The following POLR3B variants were observed in gnomAD, a reference collection of about 807,000 sequenced individuals.
POLR3B encodes the protein DNA-directed RNA polymerase III subunit RPC2.
Under a neutral mutation model 147.4 loss-of-function variants are expected in POLR3B, and 96 were observed. The observed-to-expected ratio is 0.65, with a 90% CI of 0.55 to 0.77. POLR3B has a LOEUF of 0.77. Ranked by LOEUF, POLR3B falls within the 30% of genes least tolerant of loss-of-function variation. POLR3B has a pLI of 0.00. For synonymous variants in POLR3B, 461 were observed against 485.9 expected, an observed-to-expected ratio of 0.95 and a Z score of 0.67; for missense variants, 1,036 against 1,413.5, an observed-to-expected ratio of 0.73 and a Z score of 4.28.
intron 10 of POLR3B, among the ~76,000 whole-genome samples, chr12:106,403,995 T>C (rs2037112059): frequency 6.6e-6 from 1 of 151,850 alleles, no homozygotes; most frequent in South Asian, 2.1e-4. Flanking sequence ...AATTGTTGAA[T>C]CAGAGAGCAG....
intron 6 of POLR3B, among the ~76,000 whole-genome samples, chr12:106,370,763 C>G (rs1477164567): frequency 6.6e-6 from 1 of 151,612 alleles, no homozygotes; most frequent in Non-Finnish European, 1.5e-5. Context: ...TCCTGAGTAG[C>G]TGGGATTATA....
chr12:106,444,533 CACCATA>C lies in POLR3B; in HGVS notation c.2031_2036del (p.His677_Asn678del). The C allele has an allele frequency of 6.2e-7, 1 of 1,613,834 alleles. No homozygotes were observed. On this transcript the variant is annotated inframe_deletion, in exon 19 of 28. Transcript: ENST00000228347. Reference sequence around the variant, plus strand: ...GTGTGCTGGACTTATCCCATACCCTCACCATAACCAGTCACCGAGAAACACTTATCA... The same window carrying C: ...GTGTGCTGGACTTATCCCATACCCTCACCAGTCACCGAGAAACACTTATCA...
At chr12:106,409,357 T>G (rs868546723) in intron 11 of POLR3B, among the ~76,000 whole-genome samples, 10 of 144,154 alleles carry the variant, frequency 6.9e-5, no homozygotes, top group South Asian at 2.2e-4. Flanking sequence ...TTTTTTTTGT[T>G]TTTTTTTTTT....
Position 106,369,367 on chromosome 12 carries a change from C to T in POLR3B, c.303+17C>T. On this transcript the variant is annotated intron_variant, in intron 5 of 27. Transcript: ENST00000228347. ...CCTCATGAGGTAATTATGAACCTTACTTTAATTGGACTTGTTTGCTTTAAC... is the reference window on the plus strand; with the variant it reads ...CCTCATGAGGTAATTATGAACCTTATTTTAATTGGACTTGTTTGCTTTAAC... 1 of 1,408,636 alleles carries T rather than the reference C, an allele frequency of 7.1e-7. No homozygotes were observed. The highest frequency in any genetic ancestry group is 1.1e-5 in the South Asian group (1 of 87,044). The allele number at this position is 1,408,636 out of a possible 1,614,324, so 87.3% of individuals were successfully genotyped here. A position where few individuals can be genotyped will look rare whatever the true frequency, so the allele number is the denominator to read the frequency against.
intron 19 of POLR3B, among the ~76,000 whole-genome samples, chr12:106,449,825 G>T (rs2037774357): frequency 6.6e-6 from 1 of 152,126 alleles, no homozygotes; most frequent in Admixed American, 6.5e-5. Context: ...TATCCTTTGT[G>T]TCTAGCATAG....
At chr12:106,401,008 A>C (rs2037057132) in intron 10 of POLR3B, among the ~76,000 whole-genome samples, 1 of 152,230 alleles carries the variant, frequency 6.6e-6, no homozygotes, top group Non-Finnish European at 1.5e-5. Context: ...AGACACAAAA[A>C]ACCCTTCAAA....
At chr12:106,444,075 C>T (rs1362445665) in intron 18 of POLR3B, among the ~76,000 whole-genome samples, 3 of 152,170 alleles carry the variant, frequency 2.0e-5, no homozygotes, top group Non-Finnish European at 4.4e-5. Context: ...CCTGCCTCGG[C>T]CTCTCAAACT....
rs1592999878 is a variant in POLR3B at position 106,366,493 on chromosome 12, ACTTTCT to A, written c.106-16_106-11del. The A allele has an allele frequency of 2.6e-6, 4 of 1,564,768 alleles. No homozygotes were observed. Among genetic ancestry groups the A allele is most frequent in the Non-Finnish European group, 3.5e-6 (4 of 1,136,790 alleles). On this transcript the variant is annotated splice_polypyrimidine_tract_variant and intron_variant, in intron 2 of 27. Coordinates refer to ENST00000228347, the MANE Select transcript of POLR3B (RefSeq NM_018082.6). ...TCTTTGCACTTTTGCTAACCTGTTT[ACTTTCT>A]CTTTCTATCTGTTTAGGTGAAAGGC...
intron 16 of POLR3B, among the ~76,000 whole-genome samples, 182 bp from the exon 17 acceptor site, chr12:106,436,875 T>C (rs889990654): frequency 1.3e-5 from 2 of 152,190 alleles, no homozygotes; most frequent in Middle Eastern, 3.2e-3. Flanking sequence ...TGTGTGTATG[T>C]GAGAGAGAGC....
At chr12:106,404,875 T>C (rs963331561) in intron 10 of POLR3B, among the ~76,000 whole-genome samples, 7 of 152,188 alleles carry the variant, frequency 4.6e-5, no homozygotes, top group African/African-American at 1.7e-4. Flanking sequence ...GTTTTTATGG[T>C]TAGGTCTAAA....
intron 23 of POLR3B, among the ~76,000 whole-genome samples, chr12:106,477,511 G>A (rs2137053164): frequency 6.6e-6 from 1 of 150,470 alleles, no homozygotes; most frequent in East Asian, 2.0e-4. Flanking sequence ...CTAGCAATCA[G>A]CGAGACTCCG....
intron 20 of POLR3B, 48 bp downstream of exon 20, chr12:106,454,759 A>G (rs1196553257): frequency 1.1e-6 from 1 of 942,024 alleles, no homozygotes. Flanking sequence ...TTGCAGAATT[A>G]GATATAGGGA....
rs182777520 is a variant in POLR3B at position 106,444,054 on chromosome 12, C to A, written c.1956-409C>A. ...GCCAGGATGGTCTCGATCTCTTGAC[C>A]TCATGATCCACCTGCCTCGGCCTCT... On this transcript the variant is annotated intron_variant, in intron 18 of 27. Coordinates refer to ENST00000228347, the MANE Select transcript of POLR3B (RefSeq NM_018082.6). Among the ~76,000 whole-genome samples the A allele has an allele frequency of 3.0e-3, 449 of 152,172 alleles. 1 individual carries two copies. The highest frequency in any genetic ancestry group is 9.3e-3 in the African/African-American group (385 of 41,520).
At chr12:106,477,891 C>CTTTTTTTTTTT (rs34915594) in intron 23 of POLR3B, among the ~76,000 whole-genome samples, 6 of 70,548 alleles carry the variant, frequency 8.5e-5, no homozygotes, top group East Asian at 6.0e-4. Flanking sequence ...GGCTCCTCCC[C>CTTTTTTTTTTT]TTTTTTTTTT....
chr12:106,372,395 T>G (rs2036619981), intron 6 of POLR3B, among the ~76,000 whole-genome samples: 1 of 149,382 alleles, frequency 6.7e-6, no homozygotes, highest in African/African-American at 2.5e-5. Flanking sequence ...TGGAGTACAG[T>G]GGCATGATCT....
intron 4 of POLR3B, among the ~76,000 whole-genome samples, chr12:106,368,768 A>G (rs2036564340): frequency 6.6e-6 from 1 of 152,188 alleles, no homozygotes; most frequent in Admixed American, 6.5e-5. Context: ...TGCACAAAAA[A>G]GTATATTCAG....
At chr12:106,480,280 G>C (rs1218990929) in intron 23 of POLR3B, among the ~76,000 whole-genome samples, 1 of 152,148 alleles carries the variant, frequency 6.6e-6, no homozygotes. Context: ...CTGAACCCTA[G>C]AAAGCATTTC....
chr12:106,417,553 A>G (rs1593029732), intron 12 of POLR3B, among the ~76,000 whole-genome samples: 2 of 152,206 alleles, frequency 1.3e-5, no homozygotes, highest in African/African-American at 4.8e-5. Context: ...AGTTTTCTAG[A>G]TGAGAGATAG....
At chr12:106,437,874 C>T in intron 18 of POLR3B, 95 bp downstream of exon 18, 2 of 757,288 alleles carry the variant, frequency 2.6e-6, no homozygotes, top group East Asian at 5.2e-5. Flanking sequence ...CTATCTTTTA[C>T]TCTTTTGACA....
Sources: gnomAD v4.1 joint callset for allele counts (sites outside exome capture counted in the v4.1 genomes callset) on GRCh38, gnomAD v4.1.1 for gene constraint, MANE v1.5 for transcripts, NCBI Gene and HGNC (gene_info 2026-07-23, HGNC 2026-07-21) for gene names.